The following PCDHA11 variants were observed in gnomAD, a reference collection of about 807,000 sequenced individuals.
PCDHA11 encodes protocadherin alpha-11.
PCDHA11 carries 61 observed loss-of-function variants against 70.3 expected under a neutral mutation model. That is an observed-to-expected ratio of 0.87 (90% CI 0.71 to 1.07). The LOEUF (loss-of-function observed/expected upper bound fraction) is 1.07. Among genes scored for constraint, PCDHA11 ranks in the 50% least tolerant of loss-of-function variants. The pLI is 0.00. For missense variants in PCDHA11, 1,324 were observed against 1,237.5 expected (o/e 1.07, Z -1.05); for synonymous variants, 633 against 555.1 (o/e 1.14, Z -1.97).
intron 1 of PCDHA11, chr5:140,928,948 A>G: frequency 1.2e-6 from 2 of 1,614,032 alleles, no homozygotes; most frequent in Non-Finnish European, 1.7e-6. Flanking sequence ...GTATTTAGTA[A>G]TTGCCTTGGC....
In PCDHA11 at chr5:140,922,940, G is replaced by A. The variant is rs138846807; in HGVS notation, c.2391+51446G>A. 4.7e-3 allele frequency among the ~76,000 whole-genome samples: 717 copies of A among 152,280 alleles called. 4 individuals carry two copies. Among genetic ancestry groups the A allele is most frequent in the Middle Eastern group, 0.021 (6 of 292 alleles). On this transcript the variant is annotated intron_variant, in intron 1 of 3. Coordinates refer to ENST00000398640, the MANE Select transcript of PCDHA11 (RefSeq NM_018902.5). Reference sequence around the variant, plus strand: ...ACTTCAGACTTTTACTTCCAGCAATGGAAATCCAGTTTGTCTTCAGCCAGT... The same window carrying A: ...ACTTCAGACTTTTACTTCCAGCAATAGAAATCCAGTTTGTCTTCAGCCAGT...
intron 1 of PCDHA11, among the ~76,000 whole-genome samples, chr5:140,961,023 A>G (rs1216128174): frequency 6.6e-6 from 1 of 152,146 alleles, no homozygotes. Flanking sequence ...GACACTTGCT[A>G]CCTCCTTGTT....
intron 1 of PCDHA11, among the ~76,000 whole-genome samples, chr5:140,934,332 T>C (rs1452316834): frequency 1.3e-5 from 2 of 152,140 alleles, no homozygotes; most frequent in Non-Finnish European, 2.9e-5. Flanking sequence ...ATGAATGTAA[T>C]AACCACCAGT....
chr5:140,885,556 G>A (rs1317413722), intron 1 of PCDHA11, among the ~76,000 whole-genome samples: 22 of 152,018 alleles, frequency 1.4e-4, no homozygotes, highest in African/African-American at 5.3e-4. Flanking sequence ...TTATTTCTAC[G>A]AAATTGATTG....
chr5:141,006,346 G>C (rs2098268580), intron 3 of PCDHA11, among the ~76,000 whole-genome samples: 1 of 151,806 alleles, frequency 6.6e-6, no homozygotes, highest in South Asian at 2.1e-4. Context: ...TGAGTAGCTG[G>C]GACTATAGGC....
intron 1 of PCDHA11, chr5:140,876,925 CAGA>C: frequency 6.2e-7 from 1 of 1,613,838 alleles, no homozygotes; most frequent in Non-Finnish European, 8.5e-7. Context: ...CGCGGACGCG[CAGA>C]AGAACGCGCT....
In PCDHA11 at chr5:140,996,798, A is replaced by G. The variant is rs528740592; in HGVS notation, c.2540-12829A>G. Among the ~76,000 whole-genome samples, 4 of 152,268 alleles carry G rather than the reference A, an allele frequency of 2.6e-5. No individual in the cohort carries two copies. In the East Asian group the frequency reaches 5.8e-4, roughly 22 times the overall value. ...AGTAGTGCCTCACTCCCTACATCCA[A>G]TCATGCTTTCCAAAAGTAACCACTA... On this transcript the variant is annotated intron_variant, in intron 3 of 3. Coordinates refer to ENST00000398640, the MANE Select transcript of PCDHA11 (RefSeq NM_018902.5).
chr5:140,876,146 C>T, intron 1 of PCDHA11: 1 of 1,613,952 alleles, frequency 6.2e-7, no homozygotes, highest in Non-Finnish European at 8.5e-7. Context: ...CTAACAGGGT[C>T]TGTCCAGATT....
intron 1 of PCDHA11, among the ~76,000 whole-genome samples, chr5:140,938,520 A>G (rs1240941217): frequency 6.6e-6 from 1 of 150,896 alleles, no homozygotes; most frequent in African/African-American, 2.4e-5. Context: ...ATTTTCTGTT[A>G]TTGAATGGAT....
intron 1 of PCDHA11, chr5:140,881,374 G>A: frequency 3.0e-6 from 3 of 984,938 alleles, no homozygotes; most frequent in Non-Finnish European, 3.6e-6. Flanking sequence ...ATGAATTGCA[G>A]CCGGCGGCGG....
chr5:140,875,172 C>A (rs999085761), intron 1 of PCDHA11: 1 of 386,866 alleles, frequency 2.6e-6, no homozygotes. Context: ...AAAGTCGAAA[C>A]ATTAGAATTA....
intron 3 of PCDHA11, among the ~76,000 whole-genome samples, chr5:140,999,659 G>A (rs1208907437): frequency 6.6e-6 from 1 of 152,162 alleles, no homozygotes; most frequent in African/African-American, 2.4e-5. Context: ...GAGCCCTGCT[G>A]GGTTGCGGGG....
chr5:140,962,036 A>G (rs761594563), intron 1 of PCDHA11, among the ~76,000 whole-genome samples: 10 of 151,802 alleles, frequency 6.6e-5, no homozygotes, highest in Non-Finnish European at 1.2e-4. Flanking sequence ...GGCACCCACC[A>G]CCATGCCTGG....
chr5:140,942,589 T>G (rs1444015331), intron 1 of PCDHA11, among the ~76,000 whole-genome samples: 1 of 148,934 alleles, frequency 6.7e-6, no homozygotes, highest in Non-Finnish European at 1.5e-5. Flanking sequence ...GGATGTCACA[T>G]ATAATTATAG....
At chr5:140,904,164 T>A (rs1475689291) in intron 1 of PCDHA11, among the ~76,000 whole-genome samples, 2 of 152,078 alleles carry the variant, frequency 1.3e-5, no homozygotes, top group South Asian at 4.1e-4. Flanking sequence ...CAGTTTGTAG[T>A]CTTTTATTCC....
At chr5:140,881,393 A>T (rs1216651655) in intron 1 of PCDHA11, 1 of 979,528 alleles carries the variant, frequency 1.0e-6, no homozygotes, top group African/African-American at 1.8e-5. Context: ...GGTAAGTTAA[A>T]TTCTATTAAA....
intron 3 of PCDHA11, among the ~76,000 whole-genome samples, chr5:140,992,482 G>A (rs1187706188): frequency 6.6e-6 from 1 of 152,164 alleles, no homozygotes; most frequent in Non-Finnish European, 1.5e-5. Flanking sequence ...TCACCCAGAG[G>A]CCAATCTGTA....
intron 1 of PCDHA11, among the ~76,000 whole-genome samples, chr5:140,974,165 G>T (rs1298109600): frequency 6.6e-6 from 1 of 152,164 alleles, no homozygotes; most frequent in Non-Finnish European, 1.5e-5. Flanking sequence ...TTTCTTTCAA[G>T]AATTTTAACT....
chr5:140,934,001 T>A (rs2089559391), intron 1 of PCDHA11, among the ~76,000 whole-genome samples: 1 of 152,066 alleles, frequency 6.6e-6, no homozygotes, highest in Admixed American at 6.6e-5. Context: ...TCACCTCTCA[T>A]TTTTCTTGAC....
Sources: allele counts gnomAD v4.1 joint callset (sites outside exome capture counted in the v4.1 genomes callset), GRCh38; gene constraint gnomAD v4.1.1; transcripts MANE v1.5; gene names NCBI Gene and HGNC (gene_info 2026-07-23, HGNC 2026-07-21).